Variants in TF observed in about 807,000 individuals in gnomAD.
The protein encoded by TF is serotransferrin.
In TF, 55 loss-of-function variants were observed where a neutral mutation model predicts 82.4. The ratio of observed to expected loss-of-function variants is 0.67; its 90% CI spans 0.54 to 0.84. TF has a LOEUF of 0.84. TF is among the 40% of genes least tolerant of loss of function. TF has a pLI of 0.00. For synonymous variants in TF, 332 were observed against 332.6 expected (o/e 1.00, Z 0.02); for missense variants, 737 against 868.4 (o/e 0.85, Z 1.90).
At chr3:133,740,545 G>T in the TF span, among the ~76,000 whole-genome samples, 1 of 152,088 alleles carries the variant, frequency 6.6e-6, no homozygotes, top group Non-Finnish European at 1.5e-5. Flanking sequence ...TGGCCAAGCT[G>T]GTCTCGAACT....
the TF span, among the ~76,000 whole-genome samples, chr3:133,708,571 T>C: frequency 6.6e-6 from 1 of 151,918 alleles, no homozygotes; most frequent in Admixed American, 6.6e-5. Flanking sequence ...AGCTCTAAAA[T>C]ATATTTTCAG....
chr3:133,732,256 C>A, the TF span, among the ~76,000 whole-genome samples: 1 of 152,006 alleles, frequency 6.6e-6, no homozygotes, highest in Non-Finnish European at 1.5e-5. Flanking sequence ...GCTTCTGGGT[C>A]GGGTGGGGAC....
chr3:133,748,378 G>C, intron 1 of TF, 34 bp from the exon 2 acceptor site: 1 of 1,613,510 alleles, frequency 6.2e-7, no homozygotes, highest in Non-Finnish European at 8.5e-7. Context: ...AGCATAGGGA[G>C]TGGGCCCTTC....
At chr3:133,678,000 T>A in the TF span, among the ~76,000 whole-genome samples, 1 of 152,164 alleles carries the variant, frequency 6.6e-6, no homozygotes, top group Non-Finnish European at 1.5e-5. Flanking sequence ...CCTAATGCTA[T>A]CCCTCCCCTA....
At chr3:133,681,594 C>T in the TF span, among the ~76,000 whole-genome samples, 236 of 152,260 alleles carry the variant, frequency 1.5e-3, no homozygotes, top group African/African-American at 5.2e-3. Context: ...CATGGAGCCT[C>T]GCTCATTGCT....
At chr3:133,775,402 A>G (rs370304379) in intron 14 of TF, 31 bp from the exon 15 acceptor site, 38 of 1,613,396 alleles carry the variant, frequency 2.4e-5, no homozygotes, top group Non-Finnish European at 2.6e-5. Context: ...GACCAAAGCC[A>G]TCAGCTGAAC....
At chr3:133,768,293 C>T (rs1310778776) in intron 13 of TF, 129 bp downstream of exon 13, 20 of 1,315,690 alleles carry the variant, frequency 1.5e-5, no homozygotes, top group Non-Finnish European at 1.9e-5. Context: ...GTATATTTCA[C>T]AACCAGATAT....
chr3:133,735,421 G>T, the TF span, among the ~76,000 whole-genome samples: 1 of 151,832 alleles, frequency 6.6e-6, no homozygotes, highest in Non-Finnish European at 1.5e-5. Flanking sequence ...GCAACTCCTT[G>T]CCAGCCAGGA....
In TF at chr3:133,783,016, TCAAA is replaced by T. The variant is rs1934553685; in HGVS notation, c.*4401_*4404del. ...CAGCCTGGGGACAGGAGACCCCGTC[TCAAA>T]CAAAACAAAACCAAGTAGCAGATAT... is the stretch of plus-strand genomic sequence containing the variant. On this transcript the variant is annotated 3_prime_UTR_variant, in exon 17 of 17. Transcript: ENST00000402696. 1.3e-5 allele frequency: 2 copies of T among 152,070 alleles called. No individual in the cohort carries two copies. The highest frequency in any genetic ancestry group is 2.9e-5 in the Non-Finnish European group (2 of 68,054). 9.4% of individuals were successfully genotyped at this position (152,070 alleles called of 1,614,324 possible). A position where few individuals can be genotyped will look rare whatever the true frequency, so the allele number is the denominator to read the frequency against.
At chr3:133,726,066 T>G in the TF span, among the ~76,000 whole-genome samples, 4 of 152,224 alleles carry the variant, frequency 2.6e-5, no homozygotes, top group Non-Finnish European at 5.9e-5. Context: ...TGCCAGTATT[T>G]TATTGAGGAT....
chr3:133,675,050 G>C, the TF span, among the ~76,000 whole-genome samples: 1 of 151,958 alleles, frequency 6.6e-6, no homozygotes, highest in Non-Finnish European at 1.5e-5. Context: ...TTCCACACCA[G>C]CCTGGCCAAC....
the TF span, among the ~76,000 whole-genome samples, chr3:133,674,713 A>G: frequency 6.7e-6 from 1 of 148,884 alleles, no homozygotes; most frequent in Non-Finnish European, 1.5e-5. Flanking sequence ...ACTGGGTGCA[A>G]GCAGCGGGTC....
chr3:133,705,629 T>C, the TF span, among the ~76,000 whole-genome samples: 7 of 152,202 alleles, frequency 4.6e-5, no homozygotes, highest in African/African-American at 1.7e-4. Context: ...CAATGATACC[T>C]TGCTCATATT....
At chr3:133,771,121 A>G (rs1934247702) in intron 14 of TF, among the ~76,000 whole-genome samples, 1 of 152,072 alleles carries the variant, frequency 6.6e-6, no homozygotes, top group South Asian at 2.1e-4. Context: ...TCCTTGGAAA[A>G]ATAGCTGACT....
intron 2 of TF, chr3:133,748,785 C>G (rs1485291332): frequency 1.5e-6 from 1 of 666,614 alleles, no homozygotes; most frequent in African/African-American, 1.8e-5. Flanking sequence ...AGCACATTAA[C>G]TTTTGCTTTC....
chr3:133,735,922 C>G, the TF span, among the ~76,000 whole-genome samples: 1 of 152,288 alleles, frequency 6.6e-6, no homozygotes, highest in East Asian at 1.9e-4. Context: ...CCTAGCAAGA[C>G]AGGCCAACAT....
chr3:133,693,461 C>T, the TF span, among the ~76,000 whole-genome samples: 1 of 152,214 alleles, frequency 6.6e-6, no homozygotes, highest in Non-Finnish European at 1.5e-5. Context: ...TGCAAAAGTA[C>T]ATCTTTTTGA....
rs1335968870 is a variant in TF at position 133,753,696 on chromosome 3, A to G, written c.318A>G (p.Ser106=). 3 of 1,613,576 alleles carry G rather than the reference A, an allele frequency of 1.9e-6. No homozygotes were observed. Among genetic ancestry groups the G allele is most frequent in the Non-Finnish European group, 1.7e-6 (2 of 1,179,456 alleles). ...CTGTGGTGGCAGAGTTCTATGGGTC[A>G]AAAGAGGGTAAGTTCTCCCTGGGAC... The part of the protein sequence containing the change: ...LKPVVAEFYG[S]KEDPQTFYYA... Residue 106 remains serine, a synonymous_variant, in exon 3 of 17, where the codon TCA becomes TCG. Transcript: ENST00000402696.
the TF span, among the ~76,000 whole-genome samples, chr3:133,710,621 A>C: frequency 6.6e-6 from 1 of 151,498 alleles, no homozygotes; most frequent in Non-Finnish European, 1.5e-5. Flanking sequence ...TGGGGGCTGC[A>C]CCTCCCCACC....
Sources: gnomAD v4.1 joint callset for allele counts (sites outside exome capture counted in the v4.1 genomes callset) on GRCh38, gnomAD v4.1.1 for gene constraint, MANE v1.5 for transcripts, NCBI Gene and HGNC (gene_info 2026-07-23, HGNC 2026-07-21) for gene names.